Variants in SLC12A1 observed in about 807,000 individuals in gnomAD.
SLC12A1 encodes Na-K-2Cl cotransporter.
A neutral mutation model predicts 130.4 loss-of-function variants in SLC12A1; 89 were observed. The observed-to-expected ratio is 0.68, with a 90% CI of 0.58 to 0.81. SLC12A1 has a LOEUF of 0.81. SLC12A1 is among the 40% of genes least tolerant of loss of function. SLC12A1 has a pLI of 0.00. For missense variants in SLC12A1, 1,310 were observed against 1,336.4 expected (o/e 0.98, Z 0.31); for synonymous variants, 499 against 460.0 (o/e 1.08, Z -1.09).
chr15:48,230,281 C>G, intron 6 of SLC12A1, 112 bp from the exon 7 acceptor site: 1 of 650,676 alleles, frequency 1.5e-6, no homozygotes, highest in East Asian at 2.8e-5. Context: ...TTCTATTATC[C>G]TATATGGCCC....
chr15:48,267,669 T>A lies in SLC12A1; in HGVS notation c.2263T>A (p.Cys755Ser), dbSNP rs1441447214. Residue 755 changes from cysteine to serine, a missense_variant, in exon 18 of 27, where the codon TGT becomes AGT. Transcript: ENST00000380993. Reference protein sequence around the residue: ...KAFYAAVAADCFRDGVRSLLQ... With the variant: ...KAFYAAVAADSFRDGVRSLLQ... ...TTTTTATGCTGCAGTGGCGGCAGAC[T>A]GTTTCAGGGATGGTGTCCGAAGTCT... The A allele has an allele frequency of 6.2e-7, 1 of 1,613,512 alleles. No individual in the cohort carries two copies.
At chr15:48,242,225 C>T (rs2041525372) in intron 10 of SLC12A1, among the ~76,000 whole-genome samples, 1 of 152,178 alleles carries the variant, frequency 6.6e-6, no homozygotes, top group Non-Finnish European at 1.5e-5. Context: ...GCAGCCACAC[C>T]TCCTCCTGGT....
At chr15:48,275,931 A>G (rs1406033841) in intron 20 of SLC12A1, among the ~76,000 whole-genome samples, 2 of 152,210 alleles carry the variant, frequency 1.3e-5, no homozygotes, top group African/African-American at 4.8e-5. Flanking sequence ...TATATGGGGC[A>G]TGGACTCAGG....
chr15:48,256,823 C>G (rs1006690334), intron 16 of SLC12A1, among the ~76,000 whole-genome samples: 1 of 3,152 alleles, frequency 3.2e-4, no homozygotes, highest in South Asian at 0.01. Flanking sequence ...CCATCCCTGG[C>G]CCCCCCCCCC....
At chr15:48,208,262 A>C in intron 2 of SLC12A1, 123 bp downstream of exon 2, 1 of 936,612 alleles carries the variant, frequency 1.1e-6, no homozygotes, top group Non-Finnish European at 1.5e-6. Context: ...TCCAAACACT[A>C]TCCATCTTAC....
At chr15:48,232,325 G>C (rs1843144) in intron 7 of SLC12A1, among the ~76,000 whole-genome samples, 113,140 of 152,150 alleles carry the variant, frequency 0.74, 43,024 homozygotes, top group Non-Finnish European at 0.82. Flanking sequence ...TTCTCGAACT[G>C]CTGCAGTTAG....
intron 17 of SLC12A1, among the ~76,000 whole-genome samples, chr15:48,261,610 C>T (rs772080294): frequency 6.6e-6 from 1 of 152,074 alleles, no homozygotes; most frequent in Non-Finnish European, 1.5e-5. Context: ...TAGGCTCAGT[C>T]GTCAATCATC....
intron 7 of SLC12A1, 101 bp downstream of exon 7, chr15:48,230,604 T>G: frequency 5.3e-6 from 4 of 757,356 alleles, no homozygotes; most frequent in Non-Finnish European, 6.9e-6. Context: ...TTGCTGTTAT[T>G]ACCTGCTATG....
intron 25 of SLC12A1, 33 bp downstream of exon 25, chr15:48,299,308 T>A: frequency 2.0e-6 from 3 of 1,529,800 alleles, no homozygotes; most frequent in Non-Finnish European, 2.6e-6. Context: ...TTTTTTGCTG[T>A]CTAACTAGCT....
intron 10 of SLC12A1, among the ~76,000 whole-genome samples, chr15:48,243,557 G>C (rs2141053216): frequency 6.6e-6 from 1 of 152,250 alleles, no homozygotes; most frequent in Middle Eastern, 3.4e-3. Context: ...TCGGGTGGCT[G>C]AGGCAGAGAA....
In SLC12A1 at chr15:48,294,363, AAAG is replaced by A. The variant is rs1384100874; in HGVS notation, c.2960+2511_2960+2513del. The stretch of plus-strand genomic sequence containing the variant: ...ACTACATCTCAAAAAAAAAAAAAAA[AAAG>A]AAGAAGAAGAAAAGAAAAATACATT... On this transcript the variant is annotated intron_variant, in intron 24 of 26. Transcript: ENST00000380993. Among the ~76,000 whole-genome samples, 23 of 151,804 alleles carry A rather than the reference AAAG, an allele frequency of 1.5e-4. No individual in the cohort carries two copies. The East Asian group carries it at 1.5e-3, about 10-fold the overall frequency.
intron 10 of SLC12A1, among the ~76,000 whole-genome samples, chr15:48,241,978 C>T (rs543095573): frequency 6.6e-6 from 1 of 152,136 alleles, no homozygotes; most frequent in Non-Finnish European, 1.5e-5. Context: ...AAAACAAAAC[C>T]CTTCAAACCT....
chr15:48,268,708 G>T (rs1469145868), intron 18 of SLC12A1, among the ~76,000 whole-genome samples: 1 of 152,092 alleles, frequency 6.6e-6, no homozygotes, highest in Non-Finnish European at 1.5e-5. Flanking sequence ...TTATTAATTT[G>T]CTAAACCATG....
chr15:48,300,592 G>C (rs1429715265), intron 25 of SLC12A1, among the ~76,000 whole-genome samples: 2 of 152,100 alleles, frequency 1.3e-5, no homozygotes, highest in African/African-American at 4.8e-5. Flanking sequence ...TTTAGATTTA[G>C]TGAAAAAAAA....
Position 48,301,376 on chromosome 15 carries a change from T to C in SLC12A1, c.3158T>C (p.Ile1053Thr), listed in dbSNP as rs527711163. 3 of 1,585,446 alleles carry C rather than the reference T, an allele frequency of 1.9e-6. No individual in the cohort carries two copies. In the African/African-American group the frequency reaches 4.0e-5, roughly 21 times the overall value. The part of the protein sequence containing the change: ...LQEHSRAANL[I>T]VLSLPVARKG... ...GAGCACTCCAGAGCTGCTAATCTCA[T>C]TGTCCTGTAAGTATCATTGCAAGCA... is the stretch of plus-strand genomic sequence containing the variant. Residue 1053 changes from isoleucine to threonine, a missense_variant, in exon 26 of 27, where the codon ATT (isoleucine) becomes ACT (threonine). Ile to Thr is a moderately conservative substitution (Grantham distance 89). Transcript: ENST00000380993.
intron 7 of SLC12A1, among the ~76,000 whole-genome samples, chr15:48,232,020 A>G (rs1258532026): frequency 6.6e-6 from 1 of 152,220 alleles, no homozygotes; most frequent in Non-Finnish European, 1.5e-5. Context: ...TGGGAAAACA[A>G]AATAAAATAA....
At position 48,267,596 on chromosome 15, in the gene SLC12A1, T is replaced by A. The variant is rs761967243; in HGVS notation, c.2190T>A (p.Ser730Arg). 10 of 1,613,544 alleles carry A rather than the reference T, an allele frequency of 6.2e-6. No homozygotes were observed. The South Asian group carries it at 6.6e-5, about 11-fold the overall frequency. Residue 730 changes from serine (S) to arginine (R), a missense_variant, in exon 18 of 27, where the codon AGT (serine) becomes AGA (arginine). Coordinates refer to ENST00000380993, the MANE Select transcript of SLC12A1 (RefSeq NM_000338.3). ...PRKLCVKEMN[S>R]GMAKKQAWLI... ...AACTGTGTGTTAAGGAGATGAACAG[T>A]GGCATGGCGAAAAAACAGGCCTGGC... is the stretch of plus-strand genomic sequence containing the variant.
intron 4 of SLC12A1, 137 bp from the exon 5 acceptor site, chr15:48,226,339 C>T (rs2041285431): frequency 1.7e-6 from 1 of 583,848 alleles, no homozygotes; most frequent in African/African-American, 2.0e-5. Context: ...ACCAGTTTCT[C>T]CTTAGCACAA....
intron 9 of SLC12A1, among the ~76,000 whole-genome samples, chr15:48,239,097 T>G (rs928974585): frequency 6.6e-6 from 1 of 152,192 alleles, no homozygotes; most frequent in African/African-American, 2.4e-5. Flanking sequence ...ACATTTCAAG[T>G]GAAAACCAAT....
Sources: gnomAD v4.1 joint callset for allele counts (sites outside exome capture counted in the v4.1 genomes callset) on GRCh38, gnomAD v4.1.1 for gene constraint, MANE v1.5 for transcripts, NCBI Gene and HGNC (gene_info 2026-07-23, HGNC 2026-07-21) for gene names.